Variants in FOXP1 observed in about 807,000 individuals in gnomAD.
FOXP1 encodes the protein forkhead box protein P1.
FOXP1 carries 15 observed loss-of-function variants against 98.2 expected under a neutral mutation model. The ratio of observed to expected loss-of-function variants is 0.15; its 90% CI spans 0.10 to 0.24. FOXP1 has a LOEUF of 0.24. Among genes scored for constraint, FOXP1 ranks in the 10% least tolerant of loss-of-function variants. FOXP1 has a pLI of 1.00. For missense variants in FOXP1, 633 were observed against 848.5 expected, an observed-to-expected ratio of 0.75 and a Z score of 3.15; for synonymous variants, 371 against 314.5, an observed-to-expected ratio of 1.18 and a Z score of -1.90.
intron 3 of FOXP1, among the ~76,000 whole-genome samples, chr3:71,478,816 T>C (rs1275070365): frequency 6.6e-6 from 1 of 152,232 alleles, no homozygotes; most frequent in Non-Finnish European, 1.5e-5. Flanking sequence ...TGAGGCACCA[T>C]GTTCAGGAAA....
rs190601157 is a variant in FOXP1 at position 71,249,982 on chromosome 3, C to T, written c.-12+49838G>A. Among the ~76,000 whole-genome samples, 285 of 152,296 alleles carry T rather than the reference C, an allele frequency of 1.9e-3. 1 individual carries two copies. Among genetic ancestry groups the T allele is most frequent in the African/African-American group, 6.4e-3 (265 of 41,556 alleles). ...CTTAGCACCAATATTATATCCAGAA[C>T]ACATGTTGTCTGACATCTGTATAAA... On this transcript the variant is annotated intron_variant, in intron 5 of 20. Transcript: ENST00000649528.
intron 3 of FOXP1, among the ~76,000 whole-genome samples, chr3:71,477,001 T>A (rs74836593): frequency 0.016 from 2,428 of 152,332 alleles, 59 homozygotes; most frequent in African/African-American, 0.056. Flanking sequence ...TTGCTCTTGT[T>A]AAGAGACACC....
intron 3 of FOXP1, among the ~76,000 whole-genome samples, chr3:71,471,436 A>G (rs528403270): frequency 6.6e-6 from 1 of 152,278 alleles, no homozygotes; most frequent in African/African-American, 2.4e-5. Context: ...AGATTTTTCT[A>G]CTGTACCCAA....
intron 7 of FOXP1, among the ~76,000 whole-genome samples, chr3:71,104,511 CA>C (rs1268472613): frequency 2.6e-5 from 4 of 152,040 alleles, no homozygotes; most frequent in Non-Finnish European, 5.9e-5. Context: ...TTTCTTTTGC[CA>C]CACTTAGTCC....
chr3:71,139,771 A>G (rs2059982015), intron 6 of FOXP1, among the ~76,000 whole-genome samples: 1 of 152,184 alleles, frequency 6.6e-6, no homozygotes, highest in Non-Finnish European at 1.5e-5. Context: ...GCCAGTCTGC[A>G]TTTACTGAAA....
rs2040570287 is a variant in FOXP1 at position 70,991,352 on chromosome 3, A to T, written c.1063-3275T>A. Among the ~76,000 whole-genome samples, 3 of 152,246 alleles carry T rather than the reference A, an allele frequency of 2.0e-5. 1 individual carries two copies. The South Asian group carries it at 6.2e-4, about 32-fold the overall frequency. ...CTCCTCTTCTATTAGCCATGGCCTC[A>T]AATTAGGTTTAAGACAGTCTGGGCT... On this transcript the variant is annotated intron_variant, in intron 13 of 20. Coordinates refer to ENST00000649528, the MANE Select transcript of FOXP1 (RefSeq NM_001349338.3).
chr3:71,268,153 C>T (rs1483869523), intron 5 of FOXP1, among the ~76,000 whole-genome samples: 6 of 138,978 alleles, frequency 4.3e-5, no homozygotes, highest in African/African-American at 1.4e-4. Flanking sequence ...TGCAGTGGCA[C>T]GATCTCGGCT....
intron 4 of FOXP1, among the ~76,000 whole-genome samples, chr3:71,324,615 G>A (rs1472009980): frequency 2.0e-5 from 3 of 151,810 alleles, no homozygotes; most frequent in African/African-American, 4.8e-5. Flanking sequence ...GAGGCCTGTC[G>A]TGGGGTGGGG....
Position 70,991,104 on chromosome 3 carries a change from A to G in FOXP1, c.1063-3027T>C, listed in dbSNP as rs576941069. 2.0e-5 allele frequency among the ~76,000 whole-genome samples: 3 copies of G among 148,528 alleles called. No homozygotes were observed. In the South Asian group the frequency reaches 6.3e-4, roughly 31 times the overall value. On this transcript the variant is annotated intron_variant, in intron 13 of 20. Coordinates refer to ENST00000649528, the MANE Select transcript of FOXP1 (RefSeq NM_001349338.3). ...GAAATCGGTCCAGTGTATTTAAACT[A>G]CTGGCTGAGTATATGTTTGAAATCT... is the stretch of plus-strand genomic sequence containing the variant.
chr3:71,054,271 C>T (rs538733176), intron 7 of FOXP1, among the ~76,000 whole-genome samples: 59 of 152,314 alleles, frequency 3.9e-4, no homozygotes, highest in Admixed American at 1.6e-3. Context: ...ACACACCTTC[C>T]GAACTTAAAC....
chr3:71,433,333 T>G (rs1473477111), intron 3 of FOXP1, among the ~76,000 whole-genome samples: 1 of 152,218 alleles, frequency 6.6e-6, no homozygotes, highest in African/African-American at 2.4e-5. Context: ...ACTTTTGCTG[T>G]GTCCCTTTGT....
At position 71,047,066 on chromosome 3, in the gene FOXP1, A is replaced by G. The variant is rs961130113; in HGVS notation, c.540T>C (p.Ala180=). 6.2e-7 allele frequency: 1 copy of G among 1,614,112 alleles called. No homozygotes were observed. The highest frequency in any genetic ancestry group is 8.5e-7 in the Non-Finnish European group (1 of 1,179,968). ...EQQQVATQQL[A]FQQQLLQMQQ... ...GCATCTGTAAAAGCTGCTGCTGAAA[A>G]GCCAACTGCTGGGTAGCCACCTGCT... Residue 180 remains alanine, a synonymous_variant, in exon 10 of 21, where the codon GCT becomes GCC. Coordinates refer to ENST00000649528, the MANE Select transcript of FOXP1 (RefSeq NM_001349338.3).
At chr3:71,187,534 G>C (rs2062722440) in intron 6 of FOXP1, among the ~76,000 whole-genome samples, 1 of 152,152 alleles carries the variant, frequency 6.6e-6, no homozygotes, top group Non-Finnish European at 1.5e-5. Flanking sequence ...AGTGAGCTGA[G>C]ATCGCACCAT....
chr3:71,544,628 T>G (rs2045207291), intron 2 of FOXP1, among the ~76,000 whole-genome samples: 2 of 152,174 alleles, frequency 1.3e-5, no homozygotes, highest in Non-Finnish European at 1.5e-5. Flanking sequence ...CCACTCCATT[T>G]TATATGTGGG....
chr3:71,228,680 T>A (rs1022303387), intron 5 of FOXP1, among the ~76,000 whole-genome samples: 4 of 152,190 alleles, frequency 2.6e-5, no homozygotes, highest in African/African-American at 9.7e-5. Flanking sequence ...CGATCCTGCA[T>A]CAATGAATCT....
intron 6 of FOXP1, among the ~76,000 whole-genome samples, chr3:71,124,318 T>C (rs890891014): frequency 8.0e-5 from 12 of 150,396 alleles, no homozygotes; most frequent in African/African-American, 3.0e-4. Context: ...TGAGCAGTCA[T>C]ATGCTTACAA....
At position 71,180,748 on chromosome 3, in the gene FOXP1, T is replaced by C. The variant is rs78215127; in HGVS notation, c.180+17454A>G. Among the ~76,000 whole-genome samples, 409 of 152,272 alleles carry C rather than the reference T, an allele frequency of 2.7e-3. 1 individual carries two copies. Among genetic ancestry groups the C allele is most frequent in the African/African-American group, 9.5e-3 (393 of 41,556 alleles). ...ATTTTGCTAAATGACCCGTGGCAAA[T>C]TGCGTAATGCCAGTAAAAGTTGTGT... On this transcript the variant is annotated intron_variant, in intron 6 of 20. Transcript: ENST00000649528.
chr3:71,393,113 A>T (rs2081148185), intron 3 of FOXP1, among the ~76,000 whole-genome samples: 2 of 152,172 alleles, frequency 1.3e-5, no homozygotes, highest in African/African-American at 4.8e-5. Flanking sequence ...TTCTTATTTA[A>T]TTATAAAACA....
chr3:71,207,539 CT>C (rs1388603315), intron 5 of FOXP1, among the ~76,000 whole-genome samples: 2 of 152,204 alleles, frequency 1.3e-5, no homozygotes, highest in African/African-American at 2.4e-5. Context: ...ATTTTCCCCC[CT>C]GAAACTTGCT....
Sources: allele counts gnomAD v4.1 joint callset (sites outside exome capture counted in the v4.1 genomes callset), GRCh38; gene constraint gnomAD v4.1.1; transcripts MANE v1.5; gene names NCBI Gene and HGNC (gene_info 2026-07-23, HGNC 2026-07-21).